Variants in SFXN5 observed in about 807,000 individuals in gnomAD.
The protein encoded by SFXN5 is sideroflexin 5.
Under a neutral mutation model 50.2 loss-of-function variants are expected in SFXN5, and 43 were observed. The observed-to-expected ratio is 0.86, with a 90% CI of 0.67 to 1.11. The LOEUF (loss-of-function observed/expected upper bound fraction) is 1.11. SFXN5 is among the 50% of genes least tolerant of loss of function. The probability of loss-of-function intolerance (pLI) is 0.00; values close to 1 mark genes in which losing one functional copy is unlikely to be tolerated. For synonymous variants in SFXN5, 203 were observed against 185.8 expected (o/e 1.09, Z -0.75); for missense variants, 463 against 454.1 (o/e 1.02, Z -0.18).
chr2:73,066,742 G>T (rs970045291), intron 1 of SFXN5, among the ~76,000 whole-genome samples: 2 of 150,978 alleles, frequency 1.3e-5, no homozygotes, highest in African/African-American at 4.9e-5. Flanking sequence ...GCTCATGCCT[G>T]TAAATCCCAG....
At chr2:73,054,688 A>G (rs1197137887) in intron 2 of SFXN5, among the ~76,000 whole-genome samples, 1 of 152,124 alleles carries the variant, frequency 6.6e-6, no homozygotes, top group Non-Finnish European at 1.5e-5. Flanking sequence ...ATGTCTCAAT[A>G]TGTCTTGAAG....
intron 6 of SFXN5, among the ~76,000 whole-genome samples, chr2:73,004,569 C>T (rs930879259): frequency 5.3e-5 from 8 of 152,028 alleles, no homozygotes; most frequent in African/African-American, 1.9e-4. Flanking sequence ...GAGGGGGCGC[C>T]GACACAGGAG....
chr2:73,061,483 T>C (rs1206525827), intron 1 of SFXN5, among the ~76,000 whole-genome samples: 1 of 152,196 alleles, frequency 6.6e-6, no homozygotes, highest in Non-Finnish European at 1.5e-5. Flanking sequence ...TGATACCATG[T>C]ATATTTGCTA....
intron 12 of SFXN5, 110 bp downstream of exon 12, chr2:72,968,338 G>A: frequency 1.1e-6 from 1 of 911,628 alleles, no homozygotes; most frequent in South Asian, 1.6e-5. Context: ...TACACAAACT[G>A]GGGTGGGCTT....
chr2:73,027,707 T>C (rs1317414756), intron 3 of SFXN5, among the ~76,000 whole-genome samples: 1 of 152,154 alleles, frequency 6.6e-6, no homozygotes, highest in Admixed American at 6.5e-5. Flanking sequence ...TCGCCCAGGC[T>C]GGAGTGCAGT....
chr2:72,948,094 C>T (rs1287913921), intron 13 of SFXN5, among the ~76,000 whole-genome samples: 4 of 152,134 alleles, frequency 2.6e-5, no homozygotes, highest in Non-Finnish European at 5.9e-5. Context: ...GTAACATAAC[C>T]CTTCGGGAAA....
At chr2:73,046,989 G>A (rs1680422333) in intron 2 of SFXN5, among the ~76,000 whole-genome samples, 2 of 150,722 alleles carry the variant, frequency 1.3e-5, no homozygotes, top group South Asian at 4.2e-4. Flanking sequence ...CACTTTGGGA[G>A]GCCAAGGCAG....
rs147816331 is a variant in SFXN5 at position 73,005,374 on chromosome 2, C to T, written c.358-3796G>A. 3.7e-4 allele frequency among the ~76,000 whole-genome samples: 57 copies of T among 152,344 alleles called. 4 individuals carry two copies. In the East Asian group the frequency reaches 0.011, roughly 29 times the overall value. On this transcript the variant is annotated intron_variant, in intron 6 of 13. Coordinates refer to ENST00000272433, the MANE Select transcript of SFXN5 (RefSeq NM_144579.3). ...GTCCTACCATGGACCTAGTGATTAA[C>T]GCTCAGGCTCTGGTTGTCAAATGCT...
At chr2:73,071,523 G>A (rs1683622625) in intron 1 of SFXN5, 81 bp downstream of exon 1, 3 of 1,360,064 alleles carry the variant, frequency 2.2e-6, no homozygotes, top group African/African-American at 1.4e-5. Flanking sequence ...GAGACCCTTG[G>A]GCGGAAGGGG....
chr2:73,047,297 TAAA>T (rs1243579050), intron 2 of SFXN5, among the ~76,000 whole-genome samples: 8 of 64,630 alleles, frequency 1.2e-4, no homozygotes, highest in South Asian at 4.4e-4. Flanking sequence ...TATATATATA[TAAA>T]ATATATATGT....
chr2:72,990,887 T>C (rs1225006918), intron 9 of SFXN5, among the ~76,000 whole-genome samples: 1 of 152,000 alleles, frequency 6.6e-6, no homozygotes. Context: ...GGGGCTGGGG[T>C]CCTAACGAGT....
chr2:73,028,173 T>C (rs968054785), intron 3 of SFXN5, among the ~76,000 whole-genome samples: 1 of 152,230 alleles, frequency 6.6e-6, no homozygotes, highest in Non-Finnish European at 1.5e-5. Flanking sequence ...GATGTTCCCG[T>C]AATGACAAAA....
At chr2:73,038,030 G>A (rs140854118) in intron 3 of SFXN5, among the ~76,000 whole-genome samples, 25 of 152,310 alleles carry the variant, frequency 1.6e-4, no homozygotes, top group African/African-American at 4.6e-4. Context: ...ACAGTCATGC[G>A]TCACTTAACA....
At position 73,006,225 on chromosome 2, in the gene SFXN5, C is replaced by G. The variant is rs375045212; in HGVS notation, c.358-4647G>C. On this transcript the variant is annotated intron_variant, in intron 6 of 13. Transcript: ENST00000272433. ...GACAGGAGAGACAGGAGGGTACAGTCCATCCCAGGTCAGGTCACCCTCAGT... is the reference window on the plus strand; with the variant it reads ...GACAGGAGAGACAGGAGGGTACAGTGCATCCCAGGTCAGGTCACCCTCAGT... 2.4e-3 allele frequency among the ~76,000 whole-genome samples: 369 copies of G among 152,232 alleles called. 2 individuals carry two copies. The highest frequency in any genetic ancestry group is 8.4e-3 in the African/African-American group (349 of 41,536).
intron 6 of SFXN5, among the ~76,000 whole-genome samples, chr2:73,008,503 G>A (rs1337621341): frequency 1.3e-5 from 2 of 152,142 alleles, no homozygotes; most frequent in East Asian, 1.9e-4. Context: ...GGAAGAGGGC[G>A]CAGGAGCAGA....
intron 2 of SFXN5, among the ~76,000 whole-genome samples, chr2:73,051,785 C>G (rs1681369123): frequency 6.6e-6 from 1 of 152,166 alleles, no homozygotes; most frequent in Non-Finnish European, 1.5e-5. Flanking sequence ...AAGGAACCAG[C>G]ATTCAGTGTC....
At chr2:72,965,481 G>A (rs1674282613) in intron 12 of SFXN5, among the ~76,000 whole-genome samples, 1 of 152,174 alleles carries the variant, frequency 6.6e-6, no homozygotes, top group Non-Finnish European at 1.5e-5. Flanking sequence ...GGGTCTAACT[G>A]AGCTGACTAA....
intron 6 of SFXN5, among the ~76,000 whole-genome samples, chr2:73,016,869 G>C (rs1195173443): frequency 6.6e-6 from 1 of 152,146 alleles, no homozygotes; most frequent in Non-Finnish European, 1.5e-5. Flanking sequence ...GCATTTTGTT[G>C]ACATGATGGG....
At chr2:73,017,457 A>AAATT (rs1676313308) in intron 6 of SFXN5, among the ~76,000 whole-genome samples, 1 of 152,238 alleles carries the variant, frequency 6.6e-6, no homozygotes, top group Non-Finnish European at 1.5e-5. Flanking sequence ...CATAAGAAAA[A>AAATT]AATTAATTCA....
Sources: allele counts gnomAD v4.1 joint callset (sites outside exome capture counted in the v4.1 genomes callset), GRCh38; gene constraint gnomAD v4.1.1; transcripts MANE v1.5; gene names NCBI Gene and HGNC (gene_info 2026-07-23, HGNC 2026-07-21).